TBCE: variants seen among roughly 807,000 people sequenced by gnomAD.
The protein encoded by TBCE is tubulin folding cofactor E, also known as tubulin-specific chaperone E.
Under a neutral mutation model 77.0 loss-of-function variants are expected in TBCE, and 53 were observed. That is an observed-to-expected ratio of 0.69 (90% CI 0.55 to 0.87). TBCE has a LOEUF of 0.87. Among genes scored for constraint, TBCE ranks in the 40% least tolerant of loss-of-function variants. The pLI is 0.00. For synonymous variants in TBCE, 235 were observed against 241.3 expected (o/e 0.97, Z 0.24); for missense variants, 624 against 622.4 (o/e 1.00, Z -0.03).
At chr1:235,385,258 AGGTGT>A (rs1392429279) in intron 2 of TBCE, among the ~76,000 whole-genome samples, 2 of 152,074 alleles carry the variant, frequency 1.3e-5, no homozygotes, top group African/African-American at 4.8e-5. Flanking sequence ...ATTTTGGAAT[AGGTGT>A]GGTGTGGTGC....
At chr1:235,402,667 T>G (rs935649480) in intron 3 of TBCE, among the ~76,000 whole-genome samples, 3 of 152,118 alleles carry the variant, frequency 2.0e-5, no homozygotes, top group Non-Finnish European at 4.4e-5. Flanking sequence ...TTGTCTCGCC[T>G]AGACTGGAAT....
chr1:235,425,950 G>A (rs1044899677), intron 5 of TBCE, among the ~76,000 whole-genome samples: 2 of 152,180 alleles, frequency 1.3e-5, no homozygotes, highest in African/African-American at 4.8e-5. Context: ...AGCACAGACA[G>A]GCCTGCCTGT....
At chr1:235,404,604 A>G (rs1182306639) in intron 3 of TBCE, among the ~76,000 whole-genome samples, 3 of 151,886 alleles carry the variant, frequency 2.0e-5, no homozygotes, top group African/African-American at 7.3e-5. Flanking sequence ...TAAACTTAGA[A>G]GTTTTTTCTT....
chr1:235,426,694 G>A (rs1293058010), intron 5 of TBCE, among the ~76,000 whole-genome samples: 3 of 152,204 alleles, frequency 2.0e-5, no homozygotes, highest in Non-Finnish European at 4.4e-5. Flanking sequence ...CACCCAGGCT[G>A]GAGTGCAGTG....
intron 2 of TBCE, among the ~76,000 whole-genome samples, chr1:235,387,512 C>G (rs1403825640): frequency 2.6e-5 from 4 of 152,186 alleles, no homozygotes; most frequent in Non-Finnish European, 4.4e-5. Flanking sequence ...GGTGGGCACC[C>G]CTCCCCCAGC....
Position 235,380,127 on chromosome 1 carries a change from TG to T in TBCE, c.80del (p.Gly27ValfsTer11), listed in dbSNP as rs1287773625. 1 of 1,612,044 alleles carries T rather than the reference TG, an allele frequency of 6.2e-7. No individual in the cohort carries two copies. The highest frequency in any genetic ancestry group is 2.2e-5 in the East Asian group (1 of 44,800). On this transcript the variant is annotated frameshift_variant, in exon 2 of 17. Transcript: ENST00000642610. LOFTEE classifies it high-confidence loss of function. The stretch of plus-strand genomic sequence containing the variant: ...GAGAACATGCAACAGTACGTTTTGC[TG>T]GTGTTGTCCCTCCCGTGGCAGGTAA... ...NGEHATVRFA[G>X]VVPPVAGPWL...
intron 3 of TBCE, among the ~76,000 whole-genome samples, chr1:235,409,979 G>A (rs1679686967): frequency 1.4e-5 from 2 of 146,754 alleles, no homozygotes; most frequent in South Asian, 2.2e-4. Flanking sequence ...GCAGTGAACC[G>A]AGATCGTGCC....
intron 2 of TBCE, among the ~76,000 whole-genome samples, chr1:235,393,908 A>G (rs1479377114): frequency 6.6e-6 from 1 of 152,210 alleles, no homozygotes; most frequent in Non-Finnish European, 1.5e-5. Flanking sequence ...GTATCAAACC[A>G]AAGTTCCTGC....
chr1:235,381,624 G>A (rs181192894), intron 2 of TBCE, among the ~76,000 whole-genome samples: 160 of 135,570 alleles, frequency 1.2e-3, no homozygotes, highest in African/African-American at 4.3e-3. Context: ...GGTGGAGGTT[G>A]CAGTGAGCCG....
chr1:235,433,239 G>C (rs1400817859), intron 7 of TBCE: 2 of 1,214,426 alleles, frequency 1.6e-6, no homozygotes, highest in African/African-American at 3.2e-5. Flanking sequence ...TTTGGTTTTT[G>C]AGATGGAGTC....
chr1:235,412,506 A>C (rs113020565), intron 3 of TBCE, among the ~76,000 whole-genome samples: 8,330 of 150,980 alleles, frequency 0.055, 415 homozygotes, highest in African/African-American at 0.13. Context: ...CTAGGATCAT[A>C]GGGGTGAGCT....
At position 235,441,811 on chromosome 1, in the gene TBCE, CAG is replaced by C; in HGVS notation, c.1271-1_1271del. On this transcript the variant is annotated splice_acceptor_variant, in intron 13 of 16. Coordinates refer to ENST00000642610, the MANE Select transcript of TBCE (RefSeq NM_003193.5). LOFTEE classifies it high-confidence loss of function. Reference sequence around the variant, plus strand: ...CATTCATCTCTTTTGCTTTCTTAAACAGAATATGGTGCACCTGAAGATTGGGA... The same window carrying C: ...CATTCATCTCTTTTGCTTTCTTAAACAATATGGTGCACCTGAAGATTGGGA... 3 of 1,613,756 alleles carry C rather than the reference CAG, an allele frequency of 1.9e-6. No homozygotes were observed. Among genetic ancestry groups the C allele is most frequent in the Non-Finnish European group, 2.5e-6 (3 of 1,179,804 alleles).
chr1:235,414,575 C>A lies in TBCE; in HGVS notation c.328C>A (p.Pro110Thr), dbSNP rs1680006827. 1 of 1,613,734 alleles carries A rather than the reference C, an allele frequency of 6.2e-7. No homozygotes were observed. The highest frequency in any genetic ancestry group is 2.2e-5 in the East Asian group (1 of 44,842). The change falls in exon 4 of 17, where the codon CCT becomes ACT. Residue 110 changes from proline (P) to threonine (T), a missense_variant. Physicochemically the swap from Pro to Thr is conservative, Grantham distance 38 (BLOSUM62 -1). Coordinates refer to ENST00000642610, the MANE Select transcript of TBCE (RefSeq NM_003193.5). ...GCAAATTGTTACAATTGGAAATAAA[C>A]CTGTGGAGACTATCGGTTTTGACTC... is the stretch of plus-strand genomic sequence containing the variant. ...KEQIVTIGNK[P>T]VETIGFDSIM... is the part of the protein sequence containing the mutation.
intron 7 of TBCE, among the ~76,000 whole-genome samples, chr1:235,432,259 C>T (rs1681149495): frequency 1.3e-5 from 2 of 152,216 alleles, no homozygotes; most frequent in African/African-American, 2.4e-5. Context: ...GCTGGGATTA[C>T]AGGCGTGAGC....
At chr1:235,379,223 C>T (rs185533033) in intron 1 of TBCE, among the ~76,000 whole-genome samples, 20 of 152,120 alleles carry the variant, frequency 1.3e-4, no homozygotes, top group South Asian at 4.1e-4. Flanking sequence ...TCTGTGCTGA[C>T]AACCCCTAAA....
intron 2 of TBCE, among the ~76,000 whole-genome samples, chr1:235,393,087 A>C (rs902658683): frequency 6.6e-6 from 1 of 152,184 alleles, no homozygotes; most frequent in Non-Finnish European, 1.5e-5. Context: ...CATATAGAGA[A>C]AAATCTAATT....
At position 235,450,529 on chromosome 1, in the gene TBCE, C is replaced by T. The variant is rs1253284591; in HGVS notation, c.*1767C>T. The T allele has an allele frequency of 9.9e-6, 6 of 608,390 alleles. No homozygotes were observed. The highest frequency in any genetic ancestry group is 1.7e-5 in the Non-Finnish European group (6 of 354,152). The allele number at this position is 608,390 out of a possible 1,614,324, so 37.7% of individuals were successfully genotyped here. ...TGATTTGGGAAAGCACCAGGTCCCA[C>T]AGTCCTGTGGCTGTGGAATACAGAA... is the stretch of plus-strand genomic sequence containing the variant. On this transcript the variant is annotated 3_prime_UTR_variant, in exon 17 of 17. Coordinates refer to ENST00000642610, the MANE Select transcript of TBCE (RefSeq NM_003193.5).
intron 2 of TBCE, among the ~76,000 whole-genome samples, chr1:235,392,304 G>A (rs989198942): frequency 2.6e-5 from 4 of 151,892 alleles, no homozygotes; most frequent in Admixed American, 1.3e-4. Flanking sequence ...GCAGTGAACC[G>A]TGATCGTGCC....
chr1:235,435,907 G>A, intron 9 of TBCE, 67 bp downstream of exon 9: 1 of 1,287,542 alleles, frequency 7.8e-7, no homozygotes. Flanking sequence ...GTTTTCATAT[G>A]CTATGTATGC....
Sources: allele counts gnomAD v4.1 joint callset (sites outside exome capture counted in the v4.1 genomes callset), GRCh38; gene constraint gnomAD v4.1.1; transcripts MANE v1.5; gene names NCBI Gene and HGNC (gene_info 2026-07-23, HGNC 2026-07-21).